KIR2DL1: variants seen among roughly 807,000 people sequenced by gnomAD.
The protein encoded by KIR2DL1 is killer cell immunoglobulin-like receptor 2DL1.
KIR2DL1 carries 38 observed loss-of-function variants against 33.9 expected under a neutral mutation model. The ratio of observed to expected loss-of-function variants is 1.12; its 90% CI spans 0.86 to 1.47. The LOEUF is 1.47. KIR2DL1 is among the 40% of genes most tolerant of loss of function. KIR2DL1 has a pLI of 0.00. For missense variants in KIR2DL1, 531 were observed against 433.9 expected, an observed-to-expected ratio of 1.22 and a Z score of -1.99; for synonymous variants, 179 against 165.9, an observed-to-expected ratio of 1.08 and a Z score of -0.61.
chr19:54,777,828 A>G (rs1429970351), intron 4 of KIR2DL1, among the ~76,000 whole-genome samples: 2 of 148,256 alleles, frequency 1.3e-5, no homozygotes, highest in African/African-American at 5.0e-5. Context: ...TCTTTAATCC[A>G]TTTTCATTTG....
At position 54,773,588 on chromosome 19, in the gene KIR2DL1, A is replaced by G. The variant is rs374662359; in HGVS notation, c.326A>G (p.Tyr109Cys). ...TACGGTTCTGTTACTCACTCCCCCT[A>G]TCAGGTGTCAGCTCCCAGTGACCCT... ...RCYGSVTHSP[Y>C]QVSAPSDPLD... Residue 109 changes from tyrosine (Y) to cysteine (C), a missense_variant, in exon 3 of 8, where the codon TAT (tyrosine) becomes TGT (cysteine). Physicochemically the swap from Tyr to Cys is radical, Grantham distance 194. Transcript: ENST00000336077. 53 of 1,579,294 alleles carry G rather than the reference A, an allele frequency of 3.4e-5. 5 individuals are homozygous for G. The highest frequency in any genetic ancestry group is 4.4e-5 in the Non-Finnish European group (51 of 1,152,762).
chr19:54,783,113 A>G, intron 6 of KIR2DL1, 90 bp downstream of exon 6: 1 of 1,457,694 alleles, frequency 6.9e-7, no homozygotes, highest in Non-Finnish European at 9.6e-7. Flanking sequence ...CACAAACAGG[A>G]TGGTCCCTGG....
In KIR2DL1 at chr19:54,783,743, C is replaced by A; in HGVS notation, c.977C>A (p.Pro326Gln). The change falls in exon 8 of 8, where the codon CCA (proline) becomes CAA (glutamine). Residue 326 changes from proline (P) to glutamine (Q), a missense_variant. Transcript: ENST00000336077. ...TRPSQRPKTP[P>Q]TDIIVYTELP... ...CCTTCTCAGAGGCCCAAGACACCCC[C>A]AACAGATATCATCGTGTACACGGAA... 1.2e-6 allele frequency: 2 copies of A among 1,614,014 alleles called. No individual in the cohort carries two copies. The highest frequency in any genetic ancestry group is 1.7e-6 in the Non-Finnish European group (2 of 1,179,956).
chr19:54,777,840 T>G (rs765343553), intron 4 of KIR2DL1, among the ~76,000 whole-genome samples: 8 of 148,594 alleles, frequency 5.4e-5, no homozygotes, highest in Non-Finnish European at 1.1e-4. Context: ...TTTCATTTGA[T>G]TTTTGTGTAT....
rs1363926216 is a variant in KIR2DL1, at chr19:54,776,461, A to G, written c.664+1003A>G. On this transcript the variant is annotated intron_variant, in intron 4 of 7. Coordinates refer to ENST00000336077, the MANE Select transcript of KIR2DL1 (RefSeq NM_014218.3). ...GTAGTCTCCACTGTGCGTATGTACT[A>G]CATTCTCTCTATCCATTCACCCACT... Among the ~76,000 whole-genome samples the G allele has an allele frequency of 1.4e-5, 2 of 146,368 alleles. 1 individual carries two copies. The highest frequency in any genetic ancestry group is 1.4e-4 in the Admixed American group (2 of 14,322).
chr19:54,775,938 A>G (rs679268), intron 4 of KIR2DL1, among the ~76,000 whole-genome samples: 3 of 144,280 alleles, frequency 2.1e-5, no homozygotes, highest in East Asian at 4.0e-4. Context: ...GTCCCCTATG[A>G]TGGAGTGCAG....
intron 4 of KIR2DL1, among the ~76,000 whole-genome samples, chr19:54,777,692 A>G (rs146543987): frequency 0.014 from 2,045 of 146,228 alleles, 109 homozygotes; most frequent in African/African-American, 0.049. Context: ...CCAATGGTCT[A>G]TTTTTGCTTC....
intron 4 of KIR2DL1, among the ~76,000 whole-genome samples, chr19:54,777,788 T>G (rs1443329927): frequency 6.7e-6 from 1 of 148,284 alleles, no homozygotes; most frequent in Non-Finnish European, 1.5e-5. Flanking sequence ...TTGTTCTACG[T>G]GTTTCATAGG....
chr19:54,773,262 G>C (rs17173079), intron 2 of KIR2DL1, 71 bp from the exon 3 acceptor site: 211,627 of 1,437,304 alleles, frequency 0.15, 17,967 homozygotes, highest in African/African-American at 0.27. Context: ...GGGGAAGCCT[G>C]ACTCAATCCA....
chr19:54,783,405 C>T (rs2077269230), intron 6 of KIR2DL1, 81 bp from the exon 7 acceptor site: 3 of 1,510,768 alleles, frequency 2.0e-6, no homozygotes, highest in African/African-American at 1.4e-5. Flanking sequence ...TATGGTCTCC[C>T]CCTGTATGTT....
intron 5 of KIR2DL1, among the ~76,000 whole-genome samples, chr19:54,781,450 C>G (rs2076929091): frequency 1.3e-5 from 2 of 150,542 alleles, no homozygotes; most frequent in Non-Finnish European, 3.0e-5. Context: ...CCCACTCACC[C>G]AAATCCCCCA....
intron 5 of KIR2DL1, among the ~76,000 whole-genome samples, chr19:54,782,414 G>A (rs1367838769): frequency 6.8e-5 from 10 of 147,782 alleles, no homozygotes; most frequent in South Asian, 2.2e-4. Flanking sequence ...TTCTCGTGAC[G>A]GCCTCAGGCT....
At chr19:54,772,892 C>T (rs1327627920) in intron 2 of KIR2DL1, among the ~76,000 whole-genome samples, 1,694 of 145,276 alleles carry the variant, frequency 0.012, 130 homozygotes, top group African/African-American at 0.038. Flanking sequence ...GGCTCCCAGT[C>T]CCTACCAGGA....
chr19:54,775,562 A>T (rs1270741913), intron 4 of KIR2DL1, 104 bp downstream of exon 4: 5 of 1,372,188 alleles, frequency 3.6e-6, no homozygotes, highest in Non-Finnish European at 1.0e-6. Flanking sequence ...CAGAGAGAAG[A>T]CGCAGCCTCG....
intron 5 of KIR2DL1, among the ~76,000 whole-genome samples, chr19:54,780,519 A>C (rs2076818599): frequency 7.0e-6 from 1 of 143,710 alleles, no homozygotes; most frequent in Non-Finnish European, 1.5e-5. Flanking sequence ...TGACACTCAC[A>C]GCCATTGGAT....
chr19:54,784,025 C>T lies in KIR2DL1; in HGVS notation c.*212C>T. On this transcript the variant is annotated 3_prime_UTR_variant, in exon 8 of 8. Coordinates refer to ENST00000336077, the MANE Select transcript of KIR2DL1 (RefSeq NM_014218.3). ...CACTGCCTGCTGGAGAAAAAACACA[C>T]TCCTTTGCTTAACCCACAGTTCTCC... The T allele has an allele frequency of 2.5e-6, 2 of 793,960 alleles. No individual in the cohort carries two copies. The highest frequency in any genetic ancestry group is 4.0e-6 in the Non-Finnish European group (2 of 494,406). The allele number at this position is 793,960 out of a possible 1,614,324, so 49.2% of individuals were successfully genotyped here.
At chr19:54,782,745 T>C (rs1019382470) in intron 5 of KIR2DL1, among the ~76,000 whole-genome samples, 177 bp from the exon 6 acceptor site, 5 of 151,980 alleles carry the variant, frequency 3.3e-5, no homozygotes, top group East Asian at 3.9e-4. Context: ...CAGCACGTTC[T>C]ATGGTTACTA....
At chr19:54,771,546 A>T (rs568307406) in intron 2 of KIR2DL1, among the ~76,000 whole-genome samples, 189 of 136,118 alleles carry the variant, frequency 1.4e-3, no homozygotes, top group South Asian at 4.8e-3. Flanking sequence ...GAGAATCTTC[A>T]GAGCACAGGG....
intron 4 of KIR2DL1, among the ~76,000 whole-genome samples, chr19:54,777,676 G>A (rs1177644153): frequency 1.4e-5 from 2 of 145,956 alleles, no homozygotes; most frequent in South Asian, 2.2e-4. Flanking sequence ...TTAGTTTGAG[G>A]TAATCCCAAT....
Sources: allele counts gnomAD v4.1 joint callset (sites outside exome capture counted in the v4.1 genomes callset), GRCh38; gene constraint gnomAD v4.1.1; transcripts MANE v1.5; gene names NCBI Gene and HGNC (gene_info 2026-07-23, HGNC 2026-07-21).